The following RGS5 variants were observed in gnomAD, a reference collection of about 807,000 sequenced individuals.
The protein encoded by RGS5 is regulator of G protein signaling 5, also known as regulator of G-protein signalling 5.
In RGS5, 20 loss-of-function variants were observed where a neutral mutation model predicts 18.9. That is an observed-to-expected ratio of 1.06 (90% CI 0.74 to 1.54). RGS5 has a LOEUF of 1.54. Ranked by LOEUF, RGS5 falls within the 40% of genes most tolerant of loss-of-function variation. The pLI, the probability that RGS5 is intolerant of heterozygous loss-of-function variation, is 0.00. For synonymous variants in RGS5, 57 were observed against 76.2 expected, an observed-to-expected ratio of 0.75 and a Z score of 1.31; for missense variants, 201 against 211.8, an observed-to-expected ratio of 0.95 and a Z score of 0.32.
chr1:163,224,896 T>G (rs1352111035), intron 2 of RGS5, among the ~76,000 whole-genome samples: 1 of 152,036 alleles, frequency 6.6e-6, no homozygotes, highest in African/African-American at 2.4e-5. Flanking sequence ...TGTTATTGAG[T>G]TTTTTGAGTT....
At chr1:163,191,572 T>A (rs1659356904) in intron 1 of RGS5, among the ~76,000 whole-genome samples, 1 of 152,226 alleles carries the variant, frequency 6.6e-6, no homozygotes, top group Admixed American at 6.5e-5. Flanking sequence ...TTTCTTATTA[T>A]GCCATAGTCT....
intron 1 of RGS5, among the ~76,000 whole-genome samples, chr1:163,194,173 T>TA (rs1230680247): frequency 2.0e-5 from 3 of 152,198 alleles, no homozygotes; most frequent in Non-Finnish European, 4.4e-5. Flanking sequence ...TTCCACTGCA[T>TA]ATTAATATAT....
chr1:163,298,571 T>C (rs993857630), intron 2 of RGS5, among the ~76,000 whole-genome samples: 14 of 152,072 alleles, frequency 9.2e-5, no homozygotes, highest in African/African-American at 3.4e-4. Context: ...GTTGTCTTGT[T>C]ATACAGATAA....
At chr1:163,276,612 A>G (rs1648862714) in intron 2 of RGS5, among the ~76,000 whole-genome samples, 1 of 152,218 alleles carries the variant, frequency 6.6e-6, no homozygotes, top group Non-Finnish European at 1.5e-5. Context: ...ACATTTTTAA[A>G]GGTTAATGAA....
intron 2 of RGS5, among the ~76,000 whole-genome samples, chr1:163,264,611 T>A (rs552132680): frequency 6.6e-6 from 1 of 152,278 alleles, no homozygotes; most frequent in African/African-American, 2.4e-5. Context: ...TATCTTAAAC[T>A]TTTTGACCTC....
rs1656999908 is a variant in RGS5 at position 163,143,362 on chromosome 1, T to C, written c.*3980A>G. The stretch of plus-strand genomic sequence containing the variant: ...TGCCTACCCCTTGGGTTTCGATGCT[T>C]GGATGTTGGAGATTACATTTTCTAT... On this transcript the variant is annotated 3_prime_UTR_variant, in exon 5 of 5. Coordinates refer to ENST00000313961, the MANE Select transcript of RGS5 (RefSeq NM_003617.4). The C allele has an allele frequency of 1.3e-5, 2 of 152,182 alleles. No individual in the cohort carries two copies. The highest frequency in any genetic ancestry group is 2.9e-5 in the Non-Finnish European group (2 of 68,028). 9.4% of individuals were successfully genotyped at this position (152,182 alleles called of 1,614,324 possible).
At chr1:163,220,341 G>A (rs957228197), upstream of RGS5, among the ~76,000 whole-genome samples, 6 of 151,476 alleles carry the variant, frequency 4.0e-5, no homozygotes, top group Admixed American at 1.3e-4. Flanking sequence ...TCTCAATATC[G>A]ATATAACACT....
intron 1 of RGS5, chr1:163,213,172 T>C (rs1470322468): frequency 1.2e-4 from 18 of 152,198 alleles, no homozygotes; most frequent in Admixed American, 1.2e-3. Context: ...CCATTAAAAC[T>C]CATGTCCTGG....
Position 163,190,574 on chromosome 1 carries a change from A to G in RGS5, c.44+12218T>C, listed in dbSNP as rs143698337. On this transcript the variant is annotated intron_variant, in intron 1 of 4. Transcript: ENST00000313961. ...TATGGAACTGCGTGAGGAGCTGCCA[A>G]ACTCTATCATCATTTAGACAATACC... Among the ~76,000 whole-genome samples the G allele has an allele frequency of 5.4e-4, 82 of 152,278 alleles. No individual in the cohort carries two copies. In the East Asian group the frequency reaches 0.015, roughly 28 times the overall value.
chr1:163,320,743 A>C (rs1261070035), intron 1 of RGS5, among the ~76,000 whole-genome samples: 2 of 152,240 alleles, frequency 1.3e-5, no homozygotes, highest in South Asian at 4.1e-4. Context: ...AGACATTGAA[A>C]GGAAAGACAA....
chr1:163,301,094 A>G (rs1223555441), intron 2 of RGS5, among the ~76,000 whole-genome samples: 1 of 152,186 alleles, frequency 6.6e-6, no homozygotes, highest in Non-Finnish European at 1.5e-5. Flanking sequence ...TCATTTTTGA[A>G]AGAAAAATGC....
chr1:163,265,304 T>C (rs1648548462), intron 2 of RGS5, among the ~76,000 whole-genome samples: 1 of 152,154 alleles, frequency 6.6e-6, no homozygotes, highest in Admixed American at 6.6e-5. Flanking sequence ...GCCTACAATC[T>C]TAACATTTAC....
At chr1:163,280,307 C>T (rs1648959334) in intron 2 of RGS5, among the ~76,000 whole-genome samples, 1 of 151,922 alleles carries the variant, frequency 6.6e-6, no homozygotes. Context: ...AAAGATAATA[C>T]ATCAGGGCCA....
intron 2 of RGS5, among the ~76,000 whole-genome samples, chr1:163,236,605 C>T (rs529645233): frequency 1.6e-4 from 24 of 152,036 alleles, no homozygotes; most frequent in African/African-American, 4.6e-4. Flanking sequence ...ATATAAATAC[C>T]GCCTACAAAC....
At chr1:163,178,001 GGC>G (rs756103896) in intron 1 of RGS5, among the ~76,000 whole-genome samples, 15 of 152,126 alleles carry the variant, frequency 9.9e-5, no homozygotes, top group Non-Finnish European at 1.6e-4. Context: ...TTTGATGAGT[GGC>G]AAAGAAAGAA....
intron 2 of RGS5, among the ~76,000 whole-genome samples, chr1:163,245,878 G>T (rs972432379): frequency 6.6e-6 from 1 of 152,192 alleles, no homozygotes; most frequent in Non-Finnish European, 1.5e-5. Flanking sequence ...CTCAGATTAT[G>T]CCTTCAAGTT....
upstream of RGS5, chr1:163,202,933 T>C: frequency 8.7e-7 from 1 of 1,148,020 alleles, no homozygotes; most frequent in Non-Finnish European, 1.3e-6. Flanking sequence ...CCTTTCCTCC[T>C]GAGGTATATA....
At chr1:163,255,728 C>G (rs1337366184) in intron 2 of RGS5, among the ~76,000 whole-genome samples, 1 of 151,614 alleles carries the variant, frequency 6.6e-6, no homozygotes, top group Non-Finnish European at 1.5e-5. Context: ...TACTGGCAAA[C>G]CGAATCCAGC....
intron 1 of RGS5, among the ~76,000 whole-genome samples, chr1:163,170,986 A>G (rs753065669): frequency 6.2e-4 from 94 of 152,050 alleles, no homozygotes; most frequent in African/African-American, 2.2e-3. Flanking sequence ...ATGATTAAAT[A>G]TACTAATGCA....
Sources: allele counts gnomAD v4.1 joint callset (sites outside exome capture counted in the v4.1 genomes callset), GRCh38; gene constraint gnomAD v4.1.1; transcripts MANE v1.5; gene names NCBI Gene and HGNC (gene_info 2026-07-23, HGNC 2026-07-21).